The following PLXDC2 variants were observed in gnomAD, a reference collection of about 807,000 sequenced individuals.
PLXDC2 encodes the protein plexin domain-containing protein 2.
A neutral mutation model predicts 68.9 loss-of-function variants in PLXDC2; 40 were observed. The observed-to-expected ratio is 0.58, with a 90% CI of 0.45 to 0.76. PLXDC2 has a LOEUF of 0.76. Among genes scored for constraint, PLXDC2 ranks in the 30% least tolerant of loss-of-function variants. The pLI is 0.00. For synonymous variants in PLXDC2, 243 were observed against 234.2 expected (o/e 1.04, Z -0.34); for missense variants, 644 against 661.9 (o/e 0.97, Z 0.30).
At chr10:20,007,241 A>G (rs1421839065) in intron 2 of PLXDC2, among the ~76,000 whole-genome samples, 1 of 152,210 alleles carries the variant, frequency 6.6e-6, no homozygotes, top group Non-Finnish European at 1.5e-5. Context: ...CTCTCATAGC[A>G]ATGATAGCAC....
At chr10:20,274,885 C>T (rs1368513377) in intron 13 of PLXDC2, among the ~76,000 whole-genome samples, 1 of 150,248 alleles carries the variant, frequency 6.7e-6, no homozygotes, top group Non-Finnish European at 1.5e-5. Flanking sequence ...AAAAAAAAGC[C>T]ATTAATTAGT....
intron 7 of PLXDC2, among the ~76,000 whole-genome samples, chr10:20,165,738 T>A (rs532972570): frequency 1.3e-5 from 2 of 152,284 alleles, no homozygotes; most frequent in African/African-American, 4.8e-5. Context: ...TTAAATTACG[T>A]TTGCCCATCT....
intron 2 of PLXDC2, among the ~76,000 whole-genome samples, chr10:20,007,264 A>G (rs1245008685): frequency 6.6e-6 from 1 of 152,200 alleles, no homozygotes; most frequent in Non-Finnish European, 1.5e-5. Context: ...CATAGGATGG[A>G]GAGTGCTTTG....
intron 4 of PLXDC2, among the ~76,000 whole-genome samples, chr10:20,082,617 C>CT (rs1488464162): frequency 2.0e-5 from 3 of 152,160 alleles, no homozygotes; most frequent in Non-Finnish European, 4.4e-5. Context: ...TAAAGAAACT[C>CT]TCAAGCTTTG....
chr10:19,829,018 G>T (rs1007822671), intron 1 of PLXDC2, among the ~76,000 whole-genome samples: 1 of 152,202 alleles, frequency 6.6e-6, no homozygotes, highest in African/African-American at 2.4e-5. Flanking sequence ...TTGCTCTCAT[G>T]CTGAAGGTAT....
At chr10:20,120,654 C>A (rs1217613382) in intron 4 of PLXDC2, among the ~76,000 whole-genome samples, 1 of 152,102 alleles carries the variant, frequency 6.6e-6, no homozygotes, top group Non-Finnish European at 1.5e-5. Context: ...AGTTATCTGA[C>A]TCGGGGCATA....
At chr10:19,855,236 T>C (rs1159162981) in intron 1 of PLXDC2, among the ~76,000 whole-genome samples, 1 of 151,964 alleles carries the variant, frequency 6.6e-6, no homozygotes, top group East Asian at 1.9e-4. Context: ...TTTGTTGTTG[T>C]TGTTGTTGTT....
At chr10:20,075,597 G>A (rs1181824171) in intron 4 of PLXDC2, among the ~76,000 whole-genome samples, 2 of 152,142 alleles carry the variant, frequency 1.3e-5, no homozygotes, top group Non-Finnish European at 2.9e-5. Flanking sequence ...TGGCAGGGGT[G>A]GGAAGCATAA....
In PLXDC2 at chr10:19,829,955, A is replaced by C. The variant is rs1836656366; in HGVS notation, c.112+12764A>C. On this transcript the variant is annotated intron_variant, in intron 1 of 13. Transcript: ENST00000377252. ...TAAATTTCTGAGCTTTGTAAATCTG[A>C]ATAACATTTCAAAGGCTGTGAAAGG... Among the ~76,000 whole-genome samples, 3 of 152,208 alleles carry C rather than the reference A, an allele frequency of 2.0e-5. No homozygotes were observed. In the South Asian group the frequency reaches 6.2e-4, roughly 31 times the overall value.
rs1834950087 is a variant in PLXDC2 at position 20,001,998 on chromosome 10, G to T, written c.324+12G>T. 1.2e-6 allele frequency: 2 copies of T among 1,607,894 alleles called. No individual in the cohort carries two copies. Among genetic ancestry groups the T allele is most frequent in the African/African-American group, 1.3e-5 (1 of 74,942 alleles). The stretch of plus-strand genomic sequence containing the variant: ...ACACTCAGATCGAGGTAGATAAATA[G>T]TCTGGGTAATTGAAATGGATTAATG... On this transcript the variant is annotated intron_variant, in intron 2 of 13. Coordinates refer to ENST00000377252, the MANE Select transcript of PLXDC2 (RefSeq NM_032812.9).
intron 1 of PLXDC2, among the ~76,000 whole-genome samples, chr10:19,902,044 A>C (rs1838169913): frequency 6.6e-6 from 1 of 152,130 alleles, no homozygotes; most frequent in Admixed American, 6.6e-5. Flanking sequence ...CTATTTTTAC[A>C]CCAGTACCAT....
intron 9 of PLXDC2, 96 bp downstream of exon 9, chr10:20,177,505 C>A: frequency 2.0e-6 from 1 of 500,540 alleles, no homozygotes; most frequent in Non-Finnish European, 2.9e-6. Context: ...CAGTGGCTCA[C>A]ACTTGTAATC....
intron 1 of PLXDC2, among the ~76,000 whole-genome samples, chr10:19,849,382 C>A (rs1837073162): frequency 6.6e-6 from 1 of 152,070 alleles, no homozygotes; most frequent in African/African-American, 2.4e-5. Context: ...AAAATGAAAT[C>A]TAATATAATA....
intron 1 of PLXDC2, among the ~76,000 whole-genome samples, chr10:19,967,461 C>A (rs1834281636): frequency 6.6e-6 from 1 of 151,938 alleles, no homozygotes; most frequent in Non-Finnish European, 1.5e-5. Context: ...TGGGCTTAAA[C>A]CCAGAAAAAA....
At chr10:20,254,461 T>G (rs1045687032) in intron 13 of PLXDC2, among the ~76,000 whole-genome samples, 1 of 152,224 alleles carries the variant, frequency 6.6e-6, no homozygotes, top group Non-Finnish European at 1.5e-5. Context: ...AAATCTTTTT[T>G]TGTCTTGAAG....
chr10:19,891,208 A>G (rs1022542400), intron 1 of PLXDC2, among the ~76,000 whole-genome samples: 1 of 152,196 alleles, frequency 6.6e-6, no homozygotes, highest in Non-Finnish European at 1.5e-5. Context: ...ACAAAAAAGT[A>G]TTGGGTACTT....
At chr10:19,893,805 T>TGTCTCCTCAACTAGTTA (rs766337297) in intron 1 of PLXDC2, among the ~76,000 whole-genome samples, 33 of 152,242 alleles carry the variant, frequency 2.2e-4, no homozygotes, top group Non-Finnish European at 4.9e-4. Flanking sequence ...TGACAACTCA[T>TGTCTCCTCAACTAGTTA]GTCTCCTCAA....
chr10:19,962,422 G>A (rs1834172102), intron 1 of PLXDC2, among the ~76,000 whole-genome samples: 1 of 96,940 alleles, frequency 1.0e-5, no homozygotes, highest in South Asian at 3.7e-4. Context: ...ATGGAGTCTT[G>A]CTCTGTGAAC....
chr10:19,841,463 G>A (rs1473887700), intron 1 of PLXDC2, among the ~76,000 whole-genome samples: 2 of 150,496 alleles, frequency 1.3e-5, no homozygotes, highest in East Asian at 3.9e-4. Flanking sequence ...ATACAAAACA[G>A]TATATAGAAG....
Sources: gnomAD v4.1 joint callset for allele counts (sites outside exome capture counted in the v4.1 genomes callset) on GRCh38, gnomAD v4.1.1 for gene constraint, MANE v1.5 for transcripts, NCBI Gene and HGNC (gene_info 2026-07-23, HGNC 2026-07-21) for gene names.